TYW1B: variants seen among roughly 807,000 people sequenced by gnomAD.
TYW1B encodes S-adenosyl-L-methionine-dependent tRNA 4-demethylwyosine synthase TYW1B.
In TYW1B, 73 loss-of-function variants were observed where a neutral mutation model predicts 86.9. The ratio of observed to expected loss-of-function variants is 0.84; its 90% CI spans 0.70 to 1.02. TYW1B has a LOEUF of 1.02. Ranked by LOEUF, TYW1B falls within the 50% of genes least tolerant of loss-of-function variation. The pLI, the probability that TYW1B is intolerant of heterozygous loss-of-function variation, is 0.00. For synonymous variants in TYW1B, 248 were observed against 292.8 expected (o/e 0.85, Z 1.56); for missense variants, 637 against 827.4 (o/e 0.77, Z 2.82).
At chr7:72,694,117 C>A (rs762534327) in intron 11 of TYW1B, among the ~76,000 whole-genome samples, 1 of 152,042 alleles carries the variant, frequency 6.6e-6, no homozygotes, top group Admixed American at 6.6e-5. Context: ...CATGCCATCA[C>A]AACTGGCTAA....
In TYW1B at chr7:72,807,123, T is replaced by G; in HGVS notation, c.666A>C (p.Ser222=). ...KGKCESHQHG[S]EEREEGSQEQ... is the part of the protein sequence containing the mutation. ...CTTGAGATCCTTCCTCCCTCTCCTCTGAGCCATGTTGGTGAGATTCACATT... is the reference window on the plus strand; with the variant it reads ...CTTGAGATCCTTCCTCCCTCTCCTCGGAGCCATGTTGGTGAGATTCACATT... The change falls in exon 5 of 14, where the codon TCA becomes TCC. Residue 222 remains serine (S), a synonymous_variant. Transcript: ENST00000620995. 1 of 1,614,136 alleles carries G rather than the reference T, an allele frequency of 6.2e-7. No individual in the cohort carries two copies. The highest frequency in any genetic ancestry group is 1.7e-5 in the Admixed American group (1 of 59,996).
chr7:72,810,714 T>A, intron 3 of TYW1B, 49 bp from the exon 4 acceptor site: 1 of 1,539,556 alleles, frequency 6.5e-7, no homozygotes, highest in Admixed American at 2.1e-5. Flanking sequence ...GCATAAATTA[T>A]CTCAACGAAG....
chr7:72,735,047 T>C (rs1330569932), intron 8 of TYW1B, among the ~76,000 whole-genome samples: 1 of 152,034 alleles, frequency 6.6e-6, no homozygotes, highest in Non-Finnish European at 1.5e-5. Context: ...AATATGGAGA[T>C]TCCTCAAAAA....
At chr7:72,772,580 T>C (rs1238500296) in intron 7 of TYW1B, among the ~76,000 whole-genome samples, 8 of 152,172 alleles carry the variant, frequency 5.3e-5, no homozygotes, top group Middle Eastern at 3.4e-3. Flanking sequence ...TTGAGCTACA[T>C]AGGACATGAA....
chr7:72,662,949 G>C (rs1175556754), intron 11 of TYW1B, among the ~76,000 whole-genome samples: 4 of 152,102 alleles, frequency 2.6e-5, no homozygotes, highest in African/African-American at 7.2e-5. Context: ...AAAGAAATTA[G>C]CTTCTGATCA....
rs191323247 is a variant in TYW1B at position 72,674,281 on chromosome 7, A to G, written c.1506+20406T>C. ...GTCCAAAAGTCTTTTTCGGTACCCT[A>G]GGATCAAGAGGAAGAAGTGCATGGT... is the stretch of plus-strand genomic sequence containing the variant. On this transcript the variant is annotated intron_variant, in intron 11 of 13. Transcript: ENST00000620995. Among the ~76,000 whole-genome samples, 695 of 152,250 alleles carry G rather than the reference A, an allele frequency of 4.6e-3. 5 individuals carry two copies. Among genetic ancestry groups the G allele is most frequent in the African/African-American group, 0.016 (660 of 41,560 alleles).
At chr7:72,766,585 G>A (rs1554468431) in intron 7 of TYW1B, among the ~76,000 whole-genome samples, 1 of 119,594 alleles carries the variant, frequency 8.4e-6, no homozygotes, top group African/African-American at 3.2e-5. Context: ...CTGTACACCA[G>A]CCTGGGCAAC....
At chr7:72,711,226 ATGCCTGCCGC>A in intron 10 of TYW1B, among the ~76,000 whole-genome samples, 1 of 152,078 alleles carries the variant, frequency 6.6e-6, no homozygotes, top group Non-Finnish European at 1.5e-5. Flanking sequence ...ACTCGGGGCT[ATGCCTGCCGC>A]GCAGAAAGAT....
intron 13 of TYW1B, among the ~76,000 whole-genome samples, chr7:72,579,967 C>T (rs1475950569): frequency 6.6e-6 from 1 of 152,166 alleles, no homozygotes; most frequent in Non-Finnish European, 1.5e-5. Flanking sequence ...TCTCTTCTTA[C>T]AAAAACACTG....
At chr7:72,751,800 C>G (rs952989435) in intron 7 of TYW1B, among the ~76,000 whole-genome samples, 5 of 152,228 alleles carry the variant, frequency 3.3e-5, no homozygotes, top group Non-Finnish European at 7.3e-5. Context: ...ATTTAGCATG[C>G]AGGTCCTGGC....
chr7:72,676,635 T>C (rs1279810973), intron 11 of TYW1B, among the ~76,000 whole-genome samples: 4 of 152,024 alleles, frequency 2.6e-5, no homozygotes, highest in African/African-American at 9.7e-5. Flanking sequence ...GTTAGTTGGA[T>C]GCTTCAGCAT....
intron 9 of TYW1B, among the ~76,000 whole-genome samples, chr7:72,723,601 T>C (rs1479893340): frequency 6.6e-6 from 1 of 152,052 alleles, no homozygotes; most frequent in Non-Finnish European, 1.5e-5. Flanking sequence ...ACCCCCCATA[T>C]CTACAAAAAT....
intron 11 of TYW1B, among the ~76,000 whole-genome samples, chr7:72,632,426 ATAT>A (rs1563038888): frequency 1.6e-4 from 15 of 91,160 alleles, no homozygotes; most frequent in African/African-American, 7.9e-4. Context: ...TATATATAAA[ATAT>A]ATATATACGT....
At chr7:72,607,035 A>T (rs557959726) in intron 13 of TYW1B, among the ~76,000 whole-genome samples, 2 of 152,318 alleles carry the variant, frequency 1.3e-5, no homozygotes, top group Non-Finnish European at 2.9e-5. Flanking sequence ...TGTGTGTTGG[A>T]ATTATCTGAT....
chr7:72,723,237 G>A (rs753991357), intron 9 of TYW1B: 50 of 349,308 alleles, frequency 1.4e-4, no homozygotes, highest in Admixed American at 1.2e-3. Context: ...CTGTCCCTGG[G>A]GTTATTTGTT....
chr7:72,776,333 C>T (rs1480792647), intron 7 of TYW1B, among the ~76,000 whole-genome samples: 7 of 151,612 alleles, frequency 4.6e-5, no homozygotes, highest in East Asian at 1.9e-4. Context: ...ACCTGTAATC[C>T]CAGCACTTTG....
chr7:72,659,551 C>T (rs1465617651), intron 11 of TYW1B, among the ~76,000 whole-genome samples: 9 of 152,134 alleles, frequency 5.9e-5, no homozygotes, highest in African/African-American at 2.2e-4. Context: ...GCACTCTAGC[C>T]TCGGTGACCG....
chr7:72,728,903 A>G lies in TYW1B; in HGVS notation c.1111T>C (p.Trp371Arg). Residue 371 changes from tryptophan to arginine, a missense_variant, in exon 9 of 14, where the codon TGG (tryptophan) becomes CGG (arginine). By Grantham distance (101) the Trp-to-Arg change is moderately radical. Transcript: ENST00000620995. ...WHHNNPVGTE[W>R]LWKMDQPEMI... ...TCAGGCTGGTCCATCTTCCACAACCATTCAGTGCCCACAGGGTTGTTGTGG... is the reference window on the plus strand; with the variant it reads ...TCAGGCTGGTCCATCTTCCACAACCGTTCAGTGCCCACAGGGTTGTTGTGG... 6.2e-7 allele frequency: 1 copy of G among 1,613,968 alleles called. No homozygotes were observed. The highest frequency in any genetic ancestry group is 8.5e-7 in the Non-Finnish European group (1 of 1,179,910).
At chr7:72,687,746 A>G (rs1252960355) in intron 11 of TYW1B, among the ~76,000 whole-genome samples, 2 of 152,128 alleles carry the variant, frequency 1.3e-5, no homozygotes, top group African/African-American at 4.8e-5. Context: ...TGTTCATAAT[A>G]TATAAACTAT....
Sources: gnomAD v4.1 joint callset for allele counts (sites outside exome capture counted in the v4.1 genomes callset) on GRCh38, gnomAD v4.1.1 for gene constraint, MANE v1.5 for transcripts, NCBI Gene and HGNC (gene_info 2026-07-23, HGNC 2026-07-21) for gene names.